Variants in CLTCL1 observed in about 807,000 individuals in gnomAD.
CLTCL1 encodes clathrin heavy chain 2.
In CLTCL1, 159 loss-of-function variants were observed where a neutral mutation model predicts 190.0. The observed-to-expected ratio is 0.84, with a 90% CI of 0.74 to 0.95. The LOEUF is 0.95. CLTCL1 is among the 40% of genes least tolerant of loss of function. The pLI is 0.00. For missense variants in CLTCL1, 1,878 were observed against 2,033.4 expected, an observed-to-expected ratio of 0.92 and a Z score of 1.47; for synonymous variants, 752 against 769.6, an observed-to-expected ratio of 0.98 and a Z score of 0.38.
At chr22:19,182,936 TG>T in intron 30 of CLTCL1, 1 of 200,920 alleles carries the variant, frequency 5.0e-6, no homozygotes, top group Non-Finnish European at 1.0e-5. Flanking sequence ...AAGGATTCAG[TG>T]GATCTGTGAA....
Position 19,196,650 on chromosome 22 carries a change from C to CA in CLTCL1, c.3879dup (p.Gly1294TrpfsTer4). ...AGCAAGATCAGCTCCTCAAAGTAGC[C>CA]ACGATCCTAGCAGACCAACAGCCAC... On this transcript the variant is annotated frameshift_variant, in exon 25 of 33. Transcript: ENST00000427926. LOFTEE classifies it high-confidence loss of function. 1.2e-6 allele frequency: 2 copies of CA among 1,612,540 alleles called. No homozygotes were observed. Among genetic ancestry groups the CA allele is most frequent in the Non-Finnish European group, 1.7e-6 (2 of 1,179,262 alleles).
intron 12 of CLTCL1, 40 bp from the exon 13 acceptor site, chr22:19,225,673 T>C: frequency 1.3e-6 from 2 of 1,485,374 alleles, no homozygotes; most frequent in East Asian, 5.0e-5. Flanking sequence ...GATGCACCAC[T>C]CTAAAGATTG....
intron 28 of CLTCL1, 39 bp from the exon 29 acceptor site, chr22:19,187,767 C>T (rs2084361433): frequency 2.5e-6 from 4 of 1,599,836 alleles, no homozygotes; most frequent in Non-Finnish European, 3.4e-6. Flanking sequence ...GGGACACTGA[C>T]ATGGGCTGCC....
intron 1 of CLTCL1, 37 bp from the exon 2 acceptor site, chr22:19,275,867 C>T (rs782316033): frequency 3.2e-6 from 5 of 1,539,344 alleles, no homozygotes; most frequent in Non-Finnish European, 4.4e-6. Flanking sequence ...AATTTTTTTC[C>T]TCTGAAATGG....
intron 1 of CLTCL1, among the ~76,000 whole-genome samples, chr22:19,277,823 T>C (rs1555984281): frequency 6.6e-6 from 1 of 152,146 alleles, no homozygotes. Context: ...CTGGAAATAG[T>C]ATCAGATCCC....
intron 30 of CLTCL1, chr22:19,182,120 A>G (rs2084160012): frequency 6.6e-6 from 1 of 152,202 alleles, no homozygotes; most frequent in African/African-American, 2.4e-5. Context: ...GAAGAGATTC[A>G]AGCACTTTCT....
chr22:19,269,794 G>A (rs529139153), intron 2 of CLTCL1, among the ~76,000 whole-genome samples: 3 of 152,258 alleles, frequency 2.0e-5, no homozygotes, highest in East Asian at 1.9e-4. Flanking sequence ...AGTGGGGGGC[G>A]AAGAGAGAGA....
At chr22:19,283,179 G>GC (rs1555987987) in intron 1 of CLTCL1, among the ~76,000 whole-genome samples, 1 of 145,310 alleles carries the variant, frequency 6.9e-6, no homozygotes, top group Non-Finnish European at 1.5e-5. Context: ...GCCCAGGTTT[G>GC]TTTTTTTTTT....
At chr22:19,233,899 G>A (rs1555960560) in intron 7 of CLTCL1, among the ~76,000 whole-genome samples, 1 of 152,186 alleles carries the variant, frequency 6.6e-6, no homozygotes, top group Non-Finnish European at 1.5e-5. Context: ...TTGTAGTAGT[G>A]AAGTTCTGCT....
intron 27 of CLTCL1, among the ~76,000 whole-genome samples, chr22:19,188,639 G>A (rs2084392767): frequency 6.7e-6 from 1 of 149,074 alleles, no homozygotes; most frequent in South Asian, 2.1e-4. Flanking sequence ...TTGAGATGGA[G>A]TCTTGCTCGT....
chr22:19,192,147 G>T (rs2084530280), intron 26 of CLTCL1, among the ~76,000 whole-genome samples: 1 of 146,190 alleles, frequency 6.8e-6, no homozygotes, highest in Admixed American at 7.2e-5. Flanking sequence ...CTCACTGCAA[G>T]CTCTGCCTCC....
At chr22:19,279,342 A>G (rs7287341) in intron 1 of CLTCL1, among the ~76,000 whole-genome samples, 28,623 of 150,748 alleles carry the variant, frequency 0.19, 2,917 homozygotes, top group East Asian at 0.44. Context: ...TCACCATATT[A>G]GCTAGGCTGG....
chr22:19,291,538 TG>T, intron 1 of CLTCL1, 61 bp downstream of exon 1: 1 of 1,294,640 alleles, frequency 7.7e-7, no homozygotes, highest in Non-Finnish European at 9.9e-7. Context: ...GGGTCAAGCC[TG>T]GCAGTCCGGC....
chr22:19,233,145 C>T (rs1555959881), intron 9 of CLTCL1, 21 bp downstream of exon 9: 1 of 1,598,744 alleles, frequency 6.3e-7, no homozygotes, highest in African/African-American at 1.3e-5. Flanking sequence ...TGTGAGATGC[C>T]AGTGGTTCAA....
chr22:19,267,977 A>C (rs1006556805), intron 2 of CLTCL1, among the ~76,000 whole-genome samples: 2 of 152,214 alleles, frequency 1.3e-5, no homozygotes, highest in Non-Finnish European at 2.9e-5. Context: ...CATTAAAGAA[A>C]AAAAAAATAG....
chr22:19,266,028 C>T (rs2087112806), intron 2 of CLTCL1, among the ~76,000 whole-genome samples: 3 of 151,800 alleles, frequency 2.0e-5, no homozygotes, highest in Non-Finnish European at 2.9e-5. Flanking sequence ...CACGTACTAC[C>T]ACACTGGCTA....
chr22:19,254,498 G>C (rs1442790869), intron 2 of CLTCL1, among the ~76,000 whole-genome samples: 7 of 152,172 alleles, frequency 4.6e-5, no homozygotes, highest in African/African-American at 1.7e-4. Flanking sequence ...TGAGAAATTA[G>C]TTCTACTGAA....
intron 20 of CLTCL1, 123 bp downstream of exon 20, chr22:19,210,203 C>T (rs2085174326): frequency 2.3e-6 from 2 of 886,554 alleles, no homozygotes; most frequent in Admixed American, 5.2e-5. Context: ...CAGAGAAGAG[C>T]ACGAAGAGAT....
At chr22:19,201,630 C>T in intron 22 of CLTCL1, 137 bp from the exon 23 acceptor site, 1 of 959,410 alleles carries the variant, frequency 1.0e-6, no homozygotes, top group South Asian at 1.6e-5. Flanking sequence ...GCACCAGTGA[C>T]CAGATGAAGT....
Sources: gnomAD v4.1 joint callset for allele counts (sites outside exome capture counted in the v4.1 genomes callset) on GRCh38, gnomAD v4.1.1 for gene constraint, MANE v1.5 for transcripts, NCBI Gene and HGNC (gene_info 2026-07-23, HGNC 2026-07-21) for gene names.